The following FAM227B variants were observed in gnomAD, a reference collection of about 807,000 sequenced individuals.
The protein encoded by FAM227B is family with sequence similarity 227 member B.
Under a neutral mutation model 73.8 loss-of-function variants are expected in FAM227B, and 88 were observed. That is an observed-to-expected ratio of 1.19 (90% CI 1.00 to 1.42). The LOEUF (loss-of-function observed/expected upper bound fraction) is 1.42, where lower values mean the gene tolerates loss of function less well. FAM227B is among the 40% of genes most tolerant of loss of function. The pLI is 0.00. For missense variants in FAM227B, 632 were observed against 590.9 expected (o/e 1.07, Z -0.72); for synonymous variants, 210 against 190.5 (o/e 1.10, Z -0.84).
chr15:49,481,180 C>T (rs2055909844), intron 11 of FAM227B, among the ~76,000 whole-genome samples: 1 of 152,124 alleles, frequency 6.6e-6, no homozygotes. Flanking sequence ...CCAACTATTC[C>T]ATATGTCTTT....
intron 11 of FAM227B, among the ~76,000 whole-genome samples, chr15:49,497,568 T>C (rs993626446): frequency 1.3e-5 from 2 of 152,212 alleles, no homozygotes; most frequent in Admixed American, 1.3e-4. Flanking sequence ...AAGATAGTTT[T>C]AAAAGTAGAT....
rs147320708 is a variant in FAM227B at position 49,453,514 on chromosome 15, T to G, written c.1012+54697A>C. On this transcript the variant is annotated intron_variant, in intron 11 of 15. Coordinates refer to ENST00000299338, the MANE Select transcript of FAM227B (RefSeq NM_152647.3). Reference sequence around the variant, plus strand: ...CACACCTTAATTCCAACTATTCACATTGCAAGGGTTCAGTAGCCACATGTG... The same window carrying G: ...CACACCTTAATTCCAACTATTCACAGTGCAAGGGTTCAGTAGCCACATGTG... Among the ~76,000 whole-genome samples the G allele has an allele frequency of 1.1e-4, 16 of 152,290 alleles. No individual in the cohort carries two copies. In the East Asian group the frequency reaches 3.1e-3, roughly 29 times the overall value.
intron 10 of FAM227B, among the ~76,000 whole-genome samples, chr15:49,511,041 C>A (rs896785936): frequency 6.6e-6 from 1 of 151,520 alleles, no homozygotes; most frequent in African/African-American, 2.4e-5. Context: ...AATTTTTATC[C>A]ATTGTCCTAA....
At chr15:49,563,030 T>G (rs940808353) in intron 9 of FAM227B, among the ~76,000 whole-genome samples, 1 of 152,076 alleles carries the variant, frequency 6.6e-6, no homozygotes, top group Non-Finnish European at 1.5e-5. Flanking sequence ...ATAAAAGGCA[T>G]ACAAATAGTA....
Position 49,540,150 on chromosome 15 carries a change from T to A in FAM227B, c.874+1530A>T, listed in dbSNP as rs551899642. Among the ~76,000 whole-genome samples the A allele has an allele frequency of 1.9e-4, 29 of 152,306 alleles. No individual in the cohort carries two copies. In the South Asian group the frequency reaches 5.8e-3, roughly 30 times the overall value. On this transcript the variant is annotated intron_variant, in intron 10 of 15. Transcript: ENST00000299338. ...CAGTGGAAGAGCCAGCAGTGTCCTG[T>A]GTCCTGAAGACAGAAAGGATGAACA...
At chr15:49,352,724 C>G (rs536192595) in intron 13 of FAM227B, among the ~76,000 whole-genome samples, 2 of 152,248 alleles carry the variant, frequency 1.3e-5, no homozygotes, top group East Asian at 3.9e-4. Context: ...TTGGTCATCA[C>G]AGCGCACTTC....
intron 11 of FAM227B, among the ~76,000 whole-genome samples, chr15:49,498,130 A>G (rs1161714435): frequency 6.6e-6 from 1 of 152,256 alleles, no homozygotes; most frequent in Non-Finnish European, 1.5e-5. Flanking sequence ...TTATTCTACA[A>G]TGATAATTTT....
intron 4 of FAM227B, among the ~76,000 whole-genome samples, chr15:49,588,747 T>C (rs1043881585): frequency 8.6e-5 from 13 of 150,870 alleles, no homozygotes; most frequent in African/African-American, 3.1e-4. Flanking sequence ...GCTATATATA[T>C]GTGTGTGTAT....
chr15:49,429,215 C>T (rs1240491710), intron 11 of FAM227B, among the ~76,000 whole-genome samples: 2 of 152,036 alleles, frequency 1.3e-5, no homozygotes, highest in East Asian at 3.9e-4. Context: ...GAACCAAAAT[C>T]CTAGCAATTA....
chr15:49,354,890 T>A lies in FAM227B; in HGVS notation c.1271+12558A>T, dbSNP rs1188090214. Among the ~76,000 whole-genome samples, 3 of 152,008 alleles carry A rather than the reference T, an allele frequency of 2.0e-5. No homozygotes were observed. The East Asian group carries it at 5.8e-4, about 29-fold the overall frequency. On this transcript the variant is annotated intron_variant, in intron 13 of 15. Transcript: ENST00000299338. ...GGTTCTCCCAGCATGCAGCTGGAGA[T>A]CTGAGAACGGGCAGACTGCCTCCTC...
rs144999767 is a variant in FAM227B, at chr15:49,335,469, A to T, written c.1299T>A (p.Val433=). ...EPLPAPTYRD[V]IKEAKRQFAR... ...CAAATTGTCTTTTTGCCTCCTTTAT[A>T]ACATCACGGTATGTTGGAGCAGGTA... is the stretch of plus-strand genomic sequence containing the variant. The change falls in exon 14 of 16, where the codon GTT becomes GTA. Residue 433 remains valine (V), a synonymous_variant. Transcript: ENST00000299338. The T allele has an allele frequency of 1.1e-4, 173 of 1,613,520 alleles. No homozygotes were observed. Among genetic ancestry groups the T allele is most frequent in the Non-Finnish European group, 2.5e-5 (29 of 1,179,580 alleles).
At chr15:49,358,662 C>T (rs2043612467) in intron 13 of FAM227B, among the ~76,000 whole-genome samples, 1 of 150,124 alleles carries the variant, frequency 6.7e-6, no homozygotes, top group Non-Finnish European at 1.5e-5. Flanking sequence ...GCCATACAGC[C>T]CAAGGTAATT....
At chr15:49,333,693 CAAAGTT>C (rs2039212616) in intron 14 of FAM227B, among the ~76,000 whole-genome samples, 1 of 152,156 alleles carries the variant, frequency 6.6e-6, no homozygotes, top group African/African-American at 2.4e-5. Flanking sequence ...GTGACTGGCA[CAAAGTT>C]ATAGTCTCCC....
chr15:49,468,731 A>G (rs1029504405), intron 11 of FAM227B, among the ~76,000 whole-genome samples: 4 of 152,176 alleles, frequency 2.6e-5, no homozygotes, highest in Non-Finnish European at 5.9e-5. Context: ...TTCCTAACTC[A>G]AACATTGAAT....
At chr15:49,532,612 A>G (rs912998009) in intron 10 of FAM227B, among the ~76,000 whole-genome samples, 1 of 151,868 alleles carries the variant, frequency 6.6e-6, no homozygotes, top group African/African-American at 2.4e-5. Flanking sequence ...CAAGTATGCC[A>G]TATCTTCTTA....
At chr15:49,567,054 A>G (rs2074714289) in intron 9 of FAM227B, among the ~76,000 whole-genome samples, 1 of 152,178 alleles carries the variant, frequency 6.6e-6, no homozygotes, top group Admixed American at 6.6e-5. Context: ...GCCCTGTACT[A>G]AAACATGCTT....
chr15:49,610,215 TAACTTAA>T (rs938235530), intron 3 of FAM227B, among the ~76,000 whole-genome samples: 10 of 151,950 alleles, frequency 6.6e-5, no homozygotes, highest in African/African-American at 2.2e-4. Flanking sequence ...AGATTAATTT[TAACTTAA>T]AACTTAAAAC....
chr15:49,451,298 A>G (rs1056905479), intron 11 of FAM227B, among the ~76,000 whole-genome samples: 5 of 152,102 alleles, frequency 3.3e-5, no homozygotes, highest in African/African-American at 4.8e-5. Context: ...TTTGTGAGAG[A>G]AGAAATTATA....
rs1184886769 is a variant in FAM227B at position 49,586,897 on chromosome 15, G to A, written c.405+1119C>T. Among the ~76,000 whole-genome samples the A allele has an allele frequency of 2.0e-5, 3 of 152,298 alleles. No homozygotes were observed. The East Asian group carries it at 5.8e-4, about 29-fold the overall frequency. ...AATAACAGAAGCTGACGAGGTTGCA[G>A]AGAAAAGGGAATGCTTATAATACAC... is the stretch of plus-strand genomic sequence containing the variant. On this transcript the variant is annotated intron_variant, in intron 5 of 15. Coordinates refer to ENST00000299338, the MANE Select transcript of FAM227B (RefSeq NM_152647.3).
Sources: gnomAD v4.1 joint callset for allele counts (sites outside exome capture counted in the v4.1 genomes callset) on GRCh38, gnomAD v4.1.1 for gene constraint, MANE v1.5 for transcripts, NCBI Gene and HGNC (gene_info 2026-07-23, HGNC 2026-07-21) for gene names.